SBF2: variants seen among roughly 807,000 people sequenced by gnomAD.
SBF2 encodes the protein myotubularin-related protein 13.
A neutral mutation model predicts 225.2 loss-of-function variants in SBF2; 112 were observed. That is an observed-to-expected ratio of 0.50 (90% CI 0.43 to 0.58). The LOEUF (loss-of-function observed/expected upper bound fraction) is 0.58, where lower values mean the gene tolerates loss of function less well. Among genes scored for constraint, SBF2 ranks in the 20% least tolerant of loss-of-function variants. The pLI, the probability that SBF2 is intolerant of heterozygous loss-of-function variation, is 0.00. For missense variants in SBF2, 1,996 were observed against 2,206.2 expected (o/e 0.90, Z 1.91); for synonymous variants, 763 against 773.3 (o/e 0.99, Z 0.22).
chr11:10,280,788 T>G (rs1199695905), intron 1 of SBF2, among the ~76,000 whole-genome samples: 1 of 151,590 alleles, frequency 6.6e-6, no homozygotes, highest in Admixed American at 6.6e-5. Flanking sequence ...TATTACAAGA[T>G]TTGCCACTCA....
Position 9,832,276 on chromosome 11 carries a change from G to A in SBF2, c.3600C>T (p.Phe1200=). ...SGTLLLRSGG[F]HGKGVVGLFK... ...AAAGACCAACGACTCCCTTCCCATGGAATCCTCCAGATCGGAGGAGCAGAG... is the reference window on the plus strand; with the variant it reads ...AAAGACCAACGACTCCCTTCCCATGAAATCCTCCAGATCGGAGGAGCAGAG... The change falls in exon 27 of 40, where the codon TTC becomes TTT. Residue 1200 remains phenylalanine (F), a synonymous_variant. Coordinates refer to ENST00000256190, the MANE Select transcript of SBF2 (RefSeq NM_030962.4). The A allele has an allele frequency of 6.2e-7, 1 of 1,614,184 alleles. No homozygotes were observed.
chr11:9,912,946 G>A lies in SBF2; in HGVS notation c.1861-16935C>T, dbSNP rs140619023. Among the ~76,000 whole-genome samples, 5 of 152,248 alleles carry A rather than the reference G, an allele frequency of 3.3e-5. No homozygotes were observed. The East Asian group carries it at 9.6e-4, about 29-fold the overall frequency. ...ACTATAAAACATTAAGAACAAAAGA[G>A]GTAACTCAGAAAAAGTTGGGTAAAA... On this transcript the variant is annotated intron_variant, in intron 16 of 39. Transcript: ENST00000256190.
chr11:10,210,399 G>T (rs188403429), intron 1 of SBF2, among the ~76,000 whole-genome samples: 1 of 150,982 alleles, frequency 6.6e-6, no homozygotes, highest in African/African-American at 2.4e-5. Context: ...AAGGAGGAAG[G>T]TATAGAATAT....
intron 1 of SBF2, among the ~76,000 whole-genome samples, chr11:10,237,441 C>A (rs933566900): frequency 6.6e-6 from 1 of 151,412 alleles, no homozygotes; most frequent in South Asian, 2.1e-4. Flanking sequence ...CTGAAGGCTA[C>A]CCTAGGGAAC....
chr11:10,207,344 G>A (rs1214239317), intron 1 of SBF2, among the ~76,000 whole-genome samples: 4 of 152,100 alleles, frequency 2.6e-5, no homozygotes, highest in Non-Finnish European at 5.9e-5. Flanking sequence ...GAAGGAAGGT[G>A]TTTAAACAGA....
rs1340618707 is a variant in SBF2, at chr11:10,189,571, T to C, written c.141+4331A>G. Reference sequence around the variant, plus strand: ...ACAAGCTCTTTTTCCTCTCTTCTCCTCAATCTACATTTACAGAAGACTGAA... The same window carrying C: ...ACAAGCTCTTTTTCCTCTCTTCTCCCCAATCTACATTTACAGAAGACTGAA... On this transcript the variant is annotated intron_variant, in intron 2 of 39. Coordinates refer to ENST00000256190, the MANE Select transcript of SBF2 (RefSeq NM_030962.4). 2.0e-5 allele frequency among the ~76,000 whole-genome samples: 3 copies of C among 151,796 alleles called. No individual in the cohort carries two copies. The East Asian group carries it at 5.8e-4, about 29-fold the overall frequency.
intron 2 of SBF2, among the ~76,000 whole-genome samples, chr11:10,174,767 T>G (rs1361763518): frequency 6.6e-6 from 1 of 151,878 alleles, no homozygotes; most frequent in East Asian, 1.9e-4. Flanking sequence ...GAGAGAAAGG[T>G]CCGGTTACCC....
intron 27 of SBF2, among the ~76,000 whole-genome samples, chr11:9,831,375 A>G (rs899510397): frequency 2.0e-5 from 3 of 152,226 alleles, no homozygotes; most frequent in Non-Finnish European, 2.9e-5. Flanking sequence ...TAAACAGCCA[A>G]TTGCCTTCAA....
At chr11:9,910,590 G>A (rs1300524273) in intron 16 of SBF2, among the ~76,000 whole-genome samples, 1 of 152,076 alleles carries the variant, frequency 6.6e-6, no homozygotes, top group African/African-American at 2.4e-5. Flanking sequence ...AGAACTTCCA[G>A]TGAGACAAGA....
chr11:10,205,114 CAT>C (rs1360618718), intron 1 of SBF2, among the ~76,000 whole-genome samples: 2 of 151,908 alleles, frequency 1.3e-5, no homozygotes, highest in African/African-American at 2.4e-5. Context: ...CACCACGGCA[CAT>C]GTTTACCTAT....
intron 2 of SBF2, among the ~76,000 whole-genome samples, chr11:10,179,267 C>T (rs775476049): frequency 1.3e-5 from 2 of 151,458 alleles, no homozygotes; most frequent in Non-Finnish European, 2.9e-5. Flanking sequence ...GTGGGTGCAG[C>T]ACACCAGCAT....
chr11:10,094,528 A>ATTTTTTTTTTTT (rs60485793), intron 2 of SBF2, among the ~76,000 whole-genome samples: 2,163 of 106,968 alleles, frequency 0.02, 200 homozygotes, highest in Non-Finnish European at 0.029. Context: ...ATACACACAG[A>ATTTTTTTTTTTT]TTTTTTTTTT....
At chr11:10,178,658 C>G (rs1956582418) in intron 2 of SBF2, among the ~76,000 whole-genome samples, 1 of 144,852 alleles carries the variant, frequency 6.9e-6, no homozygotes, top group Admixed American at 7.0e-5. Flanking sequence ...CATCTCACAC[C>G]AGTTAGAATG....
chr11:9,808,524 C>G, intron 31 of SBF2: 2 of 431,780 alleles, frequency 4.6e-6, no homozygotes, highest in South Asian at 2.1e-5. Context: ...AGATTAATGT[C>G]TTAATGTAGT....
intron 2 of SBF2, among the ~76,000 whole-genome samples, chr11:10,169,967 T>C (rs151033263): frequency 1.8e-4 from 27 of 152,320 alleles, no homozygotes; most frequent in African/African-American, 5.3e-4. Flanking sequence ...CTGTTTGCCA[T>C]TCATATGTCT....
intron 2 of SBF2, among the ~76,000 whole-genome samples, chr11:10,150,453 T>A (rs1955122244): frequency 6.6e-6 from 1 of 152,164 alleles, no homozygotes; most frequent in Non-Finnish European, 1.5e-5. Context: ...GATCTATTAT[T>A]TCTGGAGAAT....
chr11:10,095,222 C>T (rs1951968664), intron 2 of SBF2, among the ~76,000 whole-genome samples: 1 of 151,986 alleles, frequency 6.6e-6, no homozygotes, highest in South Asian at 2.1e-4. Flanking sequence ...AGTGTCCTGC[C>T]TATATTTGGT....
At chr11:9,874,974 T>A (rs1859097936) in intron 17 of SBF2, among the ~76,000 whole-genome samples, 1 of 152,196 alleles carries the variant, frequency 6.6e-6, no homozygotes, top group Non-Finnish European at 1.5e-5. Flanking sequence ...TATAAGAACA[T>A]TTATTTATTG....
chr11:10,127,392 C>G (rs1414342693), intron 2 of SBF2, among the ~76,000 whole-genome samples: 1 of 152,090 alleles, frequency 6.6e-6, no homozygotes, highest in Non-Finnish European at 1.5e-5. Flanking sequence ...TTAGGCTGGT[C>G]TTAACCTCAC....
Sources: allele counts gnomAD v4.1 joint callset (sites outside exome capture counted in the v4.1 genomes callset), GRCh38; gene constraint gnomAD v4.1.1; transcripts MANE v1.5; gene names NCBI Gene and HGNC (gene_info 2026-07-23, HGNC 2026-07-21).